Variants in PI4K2A observed in about 807,000 individuals in gnomAD.
The protein encoded by PI4K2A is phosphatidylinositol 4-kinase type 2-alpha.
A neutral mutation model predicts 55.0 loss-of-function variants in PI4K2A; 20 were observed. That is an observed-to-expected ratio of 0.36 (90% CI 0.26 to 0.53). PI4K2A has a LOEUF of 0.53. Ranked by LOEUF, PI4K2A falls within the 20% of genes least tolerant of loss-of-function variation. PI4K2A has a pLI of 0.91. For missense variants in PI4K2A, 463 were observed against 637.1 expected, an observed-to-expected ratio of 0.73 and a Z score of 2.94; for synonymous variants, 235 against 258.5, an observed-to-expected ratio of 0.91 and a Z score of 0.87.
rs1369768512 is a variant in PI4K2A at position 97,669,904 on chromosome 10, C to G, written c.1278+2784C>G. ...TGAGAGAAAGCCTCTGTAACATTTT[C>G]TTTTTCTTTTCTTTTTTTTAAAGAC... On this transcript the variant is annotated intron_variant, in intron 8 of 8. Coordinates refer to ENST00000370631, the Ensembl canonical transcript of PI4K2A. Among the ~76,000 whole-genome samples the G allele has an allele frequency of 2.6e-5, 4 of 152,150 alleles. No individual in the cohort carries two copies. In the East Asian group the frequency reaches 7.7e-4, roughly 29 times the overall value.
intron 4 of PI4K2A, among the ~76,000 whole-genome samples, chr10:97,658,062 C>T (rs2041563758): frequency 6.6e-6 from 1 of 152,160 alleles, no homozygotes; most frequent in African/African-American, 2.4e-5. Context: ...CTTGAACTGA[C>T]CTCAGGTGAT....
chr10:97,668,098 A>G (rs2041618294), intron 8 of PI4K2A, among the ~76,000 whole-genome samples: 1 of 152,172 alleles, frequency 6.6e-6, no homozygotes, highest in African/African-American at 2.4e-5. Context: ...GGGTACTGGT[A>G]TTATGCCTAT....
intron 1 of PI4K2A, among the ~76,000 whole-genome samples, chr10:97,649,627 T>TTTTTTTTG: frequency 7.5e-6 from 1 of 133,590 alleles, no homozygotes; most frequent in Non-Finnish European, 1.6e-5. Context: ...TTTTTTTTTT[T>TTTTTTTTG]TTTTTTTTTT....
At position 97,662,948 on chromosome 10, in the gene PI4K2A, A is replaced by G. The variant is rs202072785; in HGVS notation, c.964A>G (p.Met322Val). The G allele has an allele frequency of 2.4e-5, 39 of 1,601,572 alleles. No individual in the cohort carries two copies. Among genetic ancestry groups the G allele is most frequent in the Middle Eastern group, 1.6e-4 (1 of 6,068 alleles). ...CTGGCTGATTAAATATGACTGTCCA[A>G]TGGATAGTTCTAGCTCTCGGGTAAG... Residue 322 changes from methionine (M) to valine (V), a missense_variant, in exon 5 of 9, where the codon ATG becomes GTG. Around this residue, in one of 2 missense-constraint regions of PI4K2A, gnomAD observed 277 missense variants for 432.6 expected, o/e 0.64. Transcript: ENST00000370631.
intron 8 of PI4K2A, 124 bp from the exon 9 acceptor site, chr10:97,673,457 G>T: frequency 2.9e-6 from 2 of 693,324 alleles, no homozygotes; most frequent in Non-Finnish European, 2.4e-6. Flanking sequence ...TGGCCTATTT[G>T]CATGATTTTC....
exon 1 of PI4K2A, chr10:97,640,786 C>G (rs770009660): frequency 4.6e-6 from 7 of 1,511,174 alleles, no homozygotes; most frequent in Non-Finnish European, 6.2e-6. Flanking sequence ...CGGGCCCAAC[C>G]CCCGGACTAC....
rs995245624 is a variant in PI4K2A, at chr10:97,670,863, C to T, written c.1279-2718C>T. Reference sequence around the variant, plus strand: ...GTGTTTTAAAGAAGATAGGGCCAGGCGTGGTGGCTCATGCCTGTAATCCGA... The same window carrying T: ...GTGTTTTAAAGAAGATAGGGCCAGGTGTGGTGGCTCATGCCTGTAATCCGA... On this transcript the variant is annotated intron_variant, in intron 8 of 8. Coordinates refer to ENST00000370631, the Ensembl canonical transcript of PI4K2A. 2.6e-5 allele frequency among the ~76,000 whole-genome samples: 4 copies of T among 152,188 alleles called. No homozygotes were observed. The East Asian group carries it at 7.7e-4, about 29-fold the overall frequency.
At chr10:97,673,864 C>T (rs1350666730) in exon 9 of PI4K2A, 2 of 827,956 alleles carry the variant, frequency 2.4e-6, no homozygotes, top group African/African-American at 1.7e-5. Context: ...TCTCTCTCTG[C>T]TTGCCACCCT....
intron 4 of PI4K2A, among the ~76,000 whole-genome samples, chr10:97,658,603 A>T (rs370311885): frequency 6.6e-6 from 1 of 152,152 alleles, no homozygotes; most frequent in East Asian, 1.9e-4. Context: ...TAATTTTTTG[A>T]GGAACCACCA....
At chr10:97,667,004 A>G in intron 7 of PI4K2A, 57 bp from the exon 8 acceptor site, 2 of 1,356,766 alleles carry the variant, frequency 1.5e-6, no homozygotes, top group South Asian at 1.2e-5. Flanking sequence ...GGGGGAGAAA[A>G]TGGGTTCCTG....
At chr10:97,640,698 C>T (rs1424535604) in exon 1 of PI4K2A, 23 of 1,343,354 alleles carry the variant, frequency 1.7e-5, no homozygotes, top group Non-Finnish European at 2.2e-5. Flanking sequence ...GCCGCGAGCG[C>T]AGTGGTGTGG....
intron 2 of PI4K2A, among the ~76,000 whole-genome samples, chr10:97,651,420 C>T (rs1364659592): frequency 6.6e-6 from 1 of 152,188 alleles, no homozygotes; most frequent in Non-Finnish European, 1.5e-5. Context: ...CTTTGAATCC[C>T]AGCTAACCCC....
Position 97,666,998 on chromosome 10 carries a change from G to A in PI4K2A, c.1219-63G>A. On this transcript the variant is annotated intron_variant, in intron 7 of 8. Coordinates refer to ENST00000370631, the Ensembl canonical transcript of PI4K2A. ...CTTCTTAGAAAGTTTCTAACTGGGGGAGAAAATGGGTTCCTGTGAGGCATT... is the reference window on the plus strand; with the variant it reads ...CTTCTTAGAAAGTTTCTAACTGGGGAAGAAAATGGGTTCCTGTGAGGCATT... 2.2e-5 allele frequency: 28 copies of A among 1,284,866 alleles called. No individual in the cohort carries two copies. In the South Asian group the frequency reaches 3.1e-4, roughly 14 times the overall value. The allele number at this position is 1,284,866 out of a possible 1,614,324, so 79.6% of individuals were successfully genotyped here.
chr10:97,669,131 G>T (rs145393231), intron 8 of PI4K2A, among the ~76,000 whole-genome samples: 1 of 151,980 alleles, frequency 6.6e-6, no homozygotes, highest in African/African-American at 2.4e-5. Context: ...CTCCCAAAGT[G>T]CTGGGATTAC....
In PI4K2A at chr10:97,656,250, A is replaced by G; in HGVS notation, c.637-35A>G. The G allele has an allele frequency of 6.3e-7, 1 of 1,590,774 alleles. No individual in the cohort carries two copies. The highest frequency in any genetic ancestry group is 8.6e-7 in the Non-Finnish European group (1 of 1,160,290). ...ATAGTCTTCTGGTTCCTTAAACTTG[A>G]CTCTAACCTTAGTATCTCTTCTCTT... On this transcript the variant is annotated intron_variant, in intron 2 of 8. Coordinates refer to ENST00000370631, the Ensembl canonical transcript of PI4K2A. The surrounding 1 kb of genome is among the most constrained non-coding windows in gnomAD (Gnocchi z 4.5).
chr10:97,663,505 T>C (rs188727474), intron 5 of PI4K2A, among the ~76,000 whole-genome samples: 1 of 151,650 alleles, frequency 6.6e-6, no homozygotes, highest in African/African-American at 2.4e-5. Context: ...TATTTCTTTT[T>C]TCTTTTCTTT....
At chr10:97,650,253 T>A (rs1252665992) in intron 1 of PI4K2A, among the ~76,000 whole-genome samples, 1 of 149,452 alleles carries the variant, frequency 6.7e-6, no homozygotes. Context: ...TGACTCACGA[T>A]CTACCACTGA....
chr10:97,642,391 C>CTTTTTCTTTTAT (rs2041474351), intron 1 of PI4K2A, among the ~76,000 whole-genome samples: 1 of 147,138 alleles, frequency 6.8e-6, no homozygotes, highest in Non-Finnish European at 1.5e-5. Flanking sequence ...TTCGAAGTTT[C>CTTTTTCTTTTAT]TTTTTCTTTT....
intron 2 of PI4K2A, 128 bp downstream of exon 2, chr10:97,651,269 C>A (rs2041529089): frequency 4.6e-6 from 3 of 654,718 alleles, no homozygotes; most frequent in Non-Finnish European, 8.0e-6. Flanking sequence ...GGTTCTCGAT[C>A]TTTTTTCGGG....
Sources: allele counts gnomAD v4.1 joint callset (sites outside exome capture counted in the v4.1 genomes callset), GRCh38; gene constraint gnomAD v4.1.1; regional missense constraint gnomAD v4.1.1; non-coding constraint Gnocchi (gnomAD v3.1); transcripts MANE v1.5; gene names NCBI Gene and HGNC (gene_info 2026-07-23, HGNC 2026-07-21).